TM2D3: variants seen among roughly 807,000 people sequenced by gnomAD.
The protein encoded by TM2D3 is TM2 domain-containing protein 3.
In TM2D3, 33 loss-of-function variants were observed where a neutral mutation model predicts 27.3. The ratio of observed to expected loss-of-function variants is 1.21; its 90% CI spans 0.92 to 1.61. The LOEUF is 1.61. Among genes scored for constraint, TM2D3 ranks in the 40% most tolerant of loss-of-function variants. The pLI is 0.00. For missense variants in TM2D3, 364 were observed against 320.8 expected, an observed-to-expected ratio of 1.13 and a Z score of -1.03; for synonymous variants, 138 against 122.2, an observed-to-expected ratio of 1.13 and a Z score of -0.85.
chr15:101,633,741 A>T, intron 4 of TM2D3: 1 of 1,527,128 alleles, frequency 6.5e-7, no homozygotes, highest in Non-Finnish European at 8.8e-7. Flanking sequence ...ATACCCAAAA[A>T]GAAGAAGAAT....
At position 101,652,337 on chromosome 15, in the gene TM2D3, T is replaced by G. The variant is rs675436; in HGVS notation, c.25A>C (p.Arg9=). The change falls in exon 1 of 6, where the codon AGG becomes CGG. Residue 9 remains arginine, a synonymous_variant. Transcript: ENST00000333202. The part of the protein sequence containing the change: MAGGVLPL[R]GLRALCRVLL... ...ACGCGACACAAGGCGCGGAGGCCCC[T>G]CAGCGGGAGCACCCCTCCCGCCATC... The G allele has an allele frequency of 0.42, 666,714 of 1,599,172 alleles. 146,498 individuals are homozygous for G. Among genetic ancestry groups the G allele is most frequent in the Non-Finnish European group, 0.46 (534,789 of 1,173,536 alleles).
Position 101,651,774 on chromosome 15 carries a change from C to T in TM2D3, c.92-1G>A. 6.2e-7 allele frequency: 1 copy of T among 1,614,120 alleles called. No individual in the cohort carries two copies. Among genetic ancestry groups the T allele is most frequent in the South Asian group, 1.1e-5 (1 of 91,088 alleles). The stretch of plus-strand genomic sequence containing the variant: ...GACTGAGCCAGCGCCTGCGATTGCT[C>T]TAAATTTAAGGATCGTACAATTAGA... On this transcript the variant is annotated splice_acceptor_variant, in intron 1 of 5. Coordinates refer to ENST00000333202, the MANE Select transcript of TM2D3 (RefSeq NM_078474.3). LOFTEE classifies it high-confidence loss of function.
intron 4 of TM2D3, chr15:101,634,951 G>C (rs1040804321): frequency 3.3e-5 from 5 of 152,286 alleles, no homozygotes; most frequent in African/African-American, 1.2e-4. Context: ...TTGAGCCCAA[G>C]GGTTCAAGAC....
intron 3 of TM2D3, among the ~76,000 whole-genome samples, chr15:101,647,619 C>T (rs990759020): frequency 6.6e-6 from 1 of 152,134 alleles, no homozygotes; most frequent in African/African-American, 2.4e-5. Flanking sequence ...ATTCTGCTTA[C>T]AAAAGTAGAA....
intron 2 of TM2D3, chr15:101,651,455 T>G (rs1157742646): frequency 1.9e-5 from 9 of 477,020 alleles, no homozygotes; most frequent in Non-Finnish European, 3.4e-5. Context: ...ATAATAGAAA[T>G]AAGGTGACAA....
chr15:101,643,656 G>C lies in TM2D3; in HGVS notation c.579-1012C>G, dbSNP rs1461017475. ...AAAAAAAAACCATGTTGAGTGCTGA[G>C]AAGTTTTAATTGTTGAAAGTATGTT... On this transcript the variant is annotated intron_variant, in intron 5 of 5. Coordinates refer to ENST00000333202, the MANE Select transcript of TM2D3 (RefSeq NM_078474.3). Among the ~76,000 whole-genome samples the C allele has an allele frequency of 3.7e-5, 5 of 135,192 alleles. No homozygotes were observed. The Admixed American group carries it at 3.9e-4, about 11-fold the overall frequency. The allele number at this position is 135,192 out of a possible 152,430, so 88.7% of individuals were successfully genotyped here. A position where few individuals can be genotyped will look rare whatever the true frequency, so the allele number is the denominator to read the frequency against.
chr15:101,650,508 A>C (rs1896941146), intron 2 of TM2D3: 1 of 166,516 alleles, frequency 6.0e-6, no homozygotes, highest in Non-Finnish European at 1.3e-5. Context: ...AAAAACTTAC[A>C]GTAGGGTTTT....
rs1366293506 is a variant in TM2D3 at position 101,642,198 on chromosome 15, A to G, written c.*281T>C. On this transcript the variant is annotated 3_prime_UTR_variant, in exon 6 of 6. Coordinates refer to ENST00000333202, the MANE Select transcript of TM2D3 (RefSeq NM_078474.3). ...AGTTTGACTTGGGCAATACAAAACA[A>G]AAGTCATAGGAATTAAATGGATTTT... 1 of 1,086,770 alleles carries G rather than the reference A, an allele frequency of 9.2e-7. No individual in the cohort carries two copies. The allele number at this position is 1,086,770 out of a possible 1,614,324, so 67.3% of individuals were successfully genotyped here.
rs1896929351 is a variant in TM2D3 at position 101,650,083 on chromosome 15, T to C, written c.248A>G (p.Asp83Gly). ...GGTACAGGAGAAATTTGTTGTGCAG[T>C]CTATACAGTCTGCAGGAAGCCTGCT... ...LCSRLPADCI[D>G]CTTNFSCTYG... is the part of the protein sequence containing the mutation. The change falls in exon 3 of 6, where the codon GAC becomes GGC. Residue 83 changes from aspartate to glycine, a missense_variant. By Grantham distance (94) the Asp-to-Gly change is moderately conservative. Coordinates refer to ENST00000333202, the MANE Select transcript of TM2D3 (RefSeq NM_078474.3). The C allele has an allele frequency of 2.5e-6, 4 of 1,613,868 alleles. No individual in the cohort carries two copies. The highest frequency in any genetic ancestry group is 3.4e-6 in the Non-Finnish European group (4 of 1,179,744).
chr15:101,635,838 GATT>G (rs1896540197), intron 4 of TM2D3: 1 of 152,076 alleles, frequency 6.6e-6, no homozygotes, highest in African/African-American at 2.4e-5. Context: ...GTGTTTCTTG[GATT>G]ATATTTTCCT....
At chr15:101,633,568 A>C in exon 5 of TM2D3, 1 of 870,120 alleles carries the variant, frequency 1.1e-6, no homozygotes, top group Non-Finnish European at 1.7e-6. Flanking sequence ...TTTCTTCTTC[A>C]AGGACTGCTG....
At chr15:101,652,156 G>A (rs536358917) in intron 1 of TM2D3, 115 bp downstream of exon 1, 134 of 1,014,480 alleles carry the variant, frequency 1.3e-4, no homozygotes, top group Non-Finnish European at 1.9e-4. Context: ...CCCGGAGCCC[G>A]GCACTCGGCC....
downstream of TM2D3, among the ~76,000 whole-genome samples, chr15:101,638,126 A>T (rs1253039263): frequency 6.6e-6 from 1 of 152,158 alleles, no homozygotes; most frequent in Admixed American, 6.5e-5. Context: ...TATCTGGTTC[A>T]GCAGGGAACC....
Position 101,642,445 on chromosome 15 carries a change from TAAGCCC to T in TM2D3, c.*28_*33del. The T allele has an allele frequency of 6.5e-7, 1 of 1,549,110 alleles. No homozygotes were observed. Among genetic ancestry groups the T allele is most frequent in the South Asian group, 1.2e-5 (1 of 83,288 alleles). ...CTCCTACGGACAAAAGGGCTTTTTC[TAAGCCC>T]TGCTCCTTTCTGAAGCACACACCAC... On this transcript the variant is annotated 3_prime_UTR_variant, in exon 6 of 6. Transcript: ENST00000333202.
intron 5 of TM2D3, 90 bp from the exon 6 acceptor site, chr15:101,642,734 G>C: frequency 8.8e-7 from 1 of 1,132,558 alleles, no homozygotes; most frequent in Non-Finnish European, 1.2e-6. Context: ...TGTCAGATTT[G>C]AGAAAGGGCT....
chr15:101,646,379 G>A (rs1178991671), intron 4 of TM2D3: 1 of 107,832 alleles, frequency 9.3e-6, no homozygotes, highest in East Asian at 1.1e-4. Flanking sequence ...CTTGGAAGAG[G>A]AGGAAAGGCA....
chr15:101,648,540 G>A (rs915203031), intron 3 of TM2D3, among the ~76,000 whole-genome samples: 4 of 152,158 alleles, frequency 2.6e-5, no homozygotes, highest in African/African-American at 9.7e-5. Context: ...TGAGAAGTGA[G>A]CCGGCCTCGT....
At chr15:101,640,761 A>G (rs550870705), downstream of TM2D3, among the ~76,000 whole-genome samples, 2 of 152,380 alleles carry the variant, frequency 1.3e-5, no homozygotes, top group East Asian at 3.9e-4. Flanking sequence ...GATCTGAAGC[A>G]TTCCTGACTG....
At chr15:101,636,689 A>C (rs1345091820) in intron 4 of TM2D3, 1 of 217,610 alleles carries the variant, frequency 4.6e-6, no homozygotes, top group African/African-American at 2.3e-5. Flanking sequence ...GTATACCTAG[A>C]AGATTCCCCA....
Sources: gnomAD v4.1 joint callset for allele counts (sites outside exome capture counted in the v4.1 genomes callset) on GRCh38, gnomAD v4.1.1 for gene constraint, MANE v1.5 for transcripts, NCBI Gene and HGNC (gene_info 2026-07-23, HGNC 2026-07-21) for gene names.